PLEKHG1: variants seen among roughly 807,000 people sequenced by gnomAD.
PLEKHG1 encodes the protein pleckstrin homology and RhoGEF domain containing G1.
A neutral mutation model predicts 100.8 loss-of-function variants in PLEKHG1; 44 were observed. The ratio of observed to expected loss-of-function variants is 0.44; its 90% CI spans 0.34 to 0.56. The LOEUF (loss-of-function observed/expected upper bound fraction) is 0.56. Ranked by LOEUF, PLEKHG1 falls within the 20% of genes least tolerant of loss-of-function variation. The pLI, the probability that PLEKHG1 is intolerant of heterozygous loss-of-function variation, is 0.01. For synonymous variants in PLEKHG1, 640 were observed against 662.5 expected, an observed-to-expected ratio of 0.97 and a Z score of 0.52; for missense variants, 1,545 against 1,720.9, an observed-to-expected ratio of 0.90 and a Z score of 1.81.
upstream of PLEKHG1, among the ~76,000 whole-genome samples, chr6:150,718,328 C>A (rs1027176644): frequency 6.6e-6 from 1 of 152,092 alleles, no homozygotes; most frequent in African/African-American, 2.4e-5. Flanking sequence ...GTGGGGAGCA[C>A]TGGAACGCAG....
At chr6:150,645,630 G>T (rs1323858049) in intron 2 of PLEKHG1, among the ~76,000 whole-genome samples, 1 of 152,156 alleles carries the variant, frequency 6.6e-6, no homozygotes, top group East Asian at 1.9e-4. Flanking sequence ...AAACATAGAT[G>T]CATATGAAAA....
exon 8 of PLEKHG1, chr6:150,809,257 T>C: frequency 6.2e-7 from 1 of 1,614,186 alleles, no homozygotes. Flanking sequence ...AGAAGAGAGA[T>C]GACACGTTTA....
At chr6:150,698,884 A>T (rs12202497) in intron 3 of PLEKHG1, among the ~76,000 whole-genome samples, 50,879 of 152,132 alleles carry the variant, frequency 0.33, 9,322 homozygotes, top group Non-Finnish European at 0.41. Context: ...ATCTCTGAAA[A>T]ACAATTAAGT....
intron 3 of PLEKHG1, among the ~76,000 whole-genome samples, chr6:150,698,674 C>G (rs748111766): frequency 1.3e-5 from 2 of 152,204 alleles, no homozygotes; most frequent in African/African-American, 2.4e-5. Context: ...ACATAAAGTT[C>G]TAAAGCTCTC....
exon 16 of PLEKHG1, chr6:150,839,958 T>C (rs750030627): frequency 6.2e-7 from 1 of 1,614,092 alleles, no homozygotes; most frequent in Admixed American, 1.7e-5. Context: ...TGTGTCACCT[T>C]CCCAGGTCCA....
At chr6:150,827,663 A>T (rs1472950317) in intron 14 of PLEKHG1, 2 of 878,942 alleles carry the variant, frequency 2.3e-6, no homozygotes, top group Non-Finnish European at 2.0e-6. Context: ...TGGAAACAAG[A>T]TGCAGGACCC....
At chr6:150,636,281 A>T (rs1240921750) in intron 1 of PLEKHG1, among the ~76,000 whole-genome samples, 1 of 141,866 alleles carries the variant, frequency 7.0e-6, no homozygotes, top group Non-Finnish European at 1.5e-5. Flanking sequence ...TATGTAACTC[A>T]TGACTTTTTT....
intron 10 of PLEKHG1, among the ~76,000 whole-genome samples, chr6:150,811,057 G>A (rs712214): frequency 0.26 from 39,784 of 152,002 alleles, 5,387 homozygotes; most frequent in Middle Eastern, 0.36. Flanking sequence ...GTAAAGCTGT[G>A]CTGGGTCCCA....
intron 7 of PLEKHG1, 63 bp downstream of exon 8, chr6:150,804,804 A>T: frequency 2.0e-6 from 3 of 1,530,298 alleles, no homozygotes; most frequent in Non-Finnish European, 2.7e-6. Context: ...TGTTTTCCCA[A>T]TAAAATATTA....
At chr6:150,808,985 ATAGT>A (rs1459220055) in intron 7 of PLEKHG1, 116 bp from the exon 9 acceptor site, 2 of 715,244 alleles carry the variant, frequency 2.8e-6, no homozygotes, top group African/African-American at 1.8e-5. Flanking sequence ...TACCACGTAG[ATAGT>A]TAGACCCCCT....
At chr6:150,801,268 G>A (rs559556745) in intron 6 of PLEKHG1, among the ~76,000 whole-genome samples, 2 of 152,240 alleles carry the variant, frequency 1.3e-5, no homozygotes, top group Non-Finnish European at 2.9e-5. Flanking sequence ...AAGAGAAGGG[G>A]CTGAAAAGGG....
chr6:150,806,305 G>A (rs571033031), intron 7 of PLEKHG1, among the ~76,000 whole-genome samples: 8 of 143,478 alleles, frequency 5.6e-5, no homozygotes, highest in East Asian at 2.1e-4. Context: ...ACATAATGTC[G>A]GAATCTATTG....
chr6:150,634,774 C>T (rs371619764), intron 1 of PLEKHG1, among the ~76,000 whole-genome samples: 6 of 152,086 alleles, frequency 3.9e-5, no homozygotes, highest in African/African-American at 1.4e-4. Flanking sequence ...TTGTAGAGAA[C>T]AGAACAAATG....
At chr6:150,780,928 C>T (rs941478716) in intron 3 of PLEKHG1, among the ~76,000 whole-genome samples, 2 of 151,912 alleles carry the variant, frequency 1.3e-5, no homozygotes, top group African/African-American at 4.8e-5. Flanking sequence ...GGCTGGAGTG[C>T]AGTGGCACTA....
At chr6:150,633,808 G>T (rs574679034) in intron 1 of PLEKHG1, among the ~76,000 whole-genome samples, 13 of 152,290 alleles carry the variant, frequency 8.5e-5, no homozygotes, top group Admixed American at 6.5e-4. Context: ...CCTCCGTGGA[G>T]GCTGAGAGTC....
chr6:150,750,656 C>CT (rs1418836831), intron 2 of PLEKHG1, among the ~76,000 whole-genome samples: 5 of 149,366 alleles, frequency 3.3e-5, no homozygotes, highest in Admixed American at 2.7e-4. Flanking sequence ...TGGCGGGCGC[C>CT]TGTAGTCCCA....
chr6:150,762,866 A>C (rs754449978), intron 2 of PLEKHG1, among the ~76,000 whole-genome samples: 3 of 152,136 alleles, frequency 2.0e-5, no homozygotes, highest in Non-Finnish European at 2.9e-5. Flanking sequence ...GCTTATTTGG[A>C]AGAAAGATAA....
At chr6:150,674,683 C>CTCT (rs1562427867) in intron 3 of PLEKHG1, among the ~76,000 whole-genome samples, 3 of 103,526 alleles carry the variant, frequency 2.9e-5, no homozygotes, top group African/African-American at 1.0e-4. Context: ...CTCTCTCTCT[C>CTCT]CCCCCTCTTC....
chr6:150,605,825 C>T (rs1384729016), intron 1 of PLEKHG1: 1 of 152,212 alleles, frequency 6.6e-6, no homozygotes, highest in Non-Finnish European at 1.5e-5. Flanking sequence ...AGAAAAACTA[C>T]TGTCAATAAA....
Sources: gnomAD v4.1 joint callset for allele counts (sites outside exome capture counted in the v4.1 genomes callset) on GRCh38, gnomAD v4.1.1 for gene constraint, MANE v1.5 for transcripts, NCBI Gene and HGNC (gene_info 2026-07-23, HGNC 2026-07-21) for gene names.